Variants in UCK2 observed in about 807,000 individuals in gnomAD.
UCK2 encodes cytidine monophosphokinase 2.
In UCK2, 6 loss-of-function variants were observed where a neutral mutation model predicts 30.8. The observed-to-expected ratio is 0.19, with a 90% CI of 0.11 to 0.38. The LOEUF is 0.38. UCK2 is among the 10% of genes least tolerant of loss of function. UCK2 has a pLI of 1.00. For missense variants in UCK2, 210 were observed against 339.8 expected, an observed-to-expected ratio of 0.62 and a Z score of 3.00; for synonymous variants, 125 against 133.6, an observed-to-expected ratio of 0.94 and a Z score of 0.45.
intron 1 of UCK2, among the ~76,000 whole-genome samples, chr1:165,850,816 G>A (rs1164858227): frequency 6.6e-6 from 1 of 151,076 alleles, no homozygotes; most frequent in East Asian, 2.0e-4. Context: ...TAGAGACGGG[G>A]TTTCACCGTG....
chr1:165,911,479 C>T lies in UCK2; in HGVS notation c.*3656C>T, dbSNP rs149556199. On this transcript the variant is annotated 3_prime_UTR_variant, in exon 7 of 7. Coordinates refer to ENST00000367879, the MANE Select transcript of UCK2 (RefSeq NM_012474.5). ...CAGGAGCAGGGTGAGTAGCTAAATA[C>T]AGACTTAGGCTTTTTTTTCCCCCCT... 3.4e-4 allele frequency: 52 copies of T among 152,306 alleles called. No individual in the cohort carries two copies. Among genetic ancestry groups the T allele is most frequent in the African/African-American group, 1.2e-3 (49 of 41,556 alleles). The allele number at this position is 152,306 out of a possible 1,614,324, so 9.4% of individuals were successfully genotyped here.
At chr1:165,857,593 C>T (rs566514402) in intron 1 of UCK2, among the ~76,000 whole-genome samples, 68 of 152,182 alleles carry the variant, frequency 4.5e-4, no homozygotes, top group Non-Finnish European at 8.2e-4. Context: ...GGGGTGCGGG[C>T]ATGTGCTGGG....
intron 6 of UCK2, among the ~76,000 whole-genome samples, chr1:165,907,265 G>T (rs984003208): frequency 6.6e-6 from 1 of 152,184 alleles, no homozygotes; most frequent in Non-Finnish European, 1.5e-5. Context: ...GGGAAAGAGG[G>T]CCTTCCATAG....
intron 4 of UCK2, 164 bp from the exon 5 acceptor site, chr1:165,903,018 C>T (rs573188255): frequency 1.0e-5 from 5 of 497,500 alleles, no homozygotes; most frequent in Admixed American, 3.5e-5. Context: ...TTGTCTTTTC[C>T]GAAGCCGCTG....
At chr1:165,849,839 T>C (rs1654544316) in intron 1 of UCK2, among the ~76,000 whole-genome samples, 1 of 152,222 alleles carries the variant, frequency 6.6e-6, no homozygotes, top group Non-Finnish European at 1.5e-5. Flanking sequence ...TTTTCTTTTC[T>C]GTTCTTGGTG....
At chr1:165,876,812 T>C (rs1655347946) in intron 1 of UCK2, among the ~76,000 whole-genome samples, 1 of 152,190 alleles carries the variant, frequency 6.6e-6, no homozygotes. Flanking sequence ...CTCCGTCCTG[T>C]CTCCCAGCTT....
At chr1:165,835,006 CT>C (rs144156873) in intron 1 of UCK2, among the ~76,000 whole-genome samples, 2,750 of 151,816 alleles carry the variant, frequency 0.018, 81 homozygotes, top group African/African-American at 0.061. Flanking sequence ...ACATTTTTAC[CT>C]TTTTTTTGGC....
At chr1:165,890,124 A>G in intron 1 of UCK2, 80 bp from the exon 2 acceptor site, 1 of 1,518,520 alleles carries the variant, frequency 6.6e-7, no homozygotes, top group South Asian at 1.2e-5. Flanking sequence ...GGTGTGCATC[A>G]GCTTGGTTAC....
chr1:165,845,734 C>T (rs1041785969), intron 1 of UCK2, among the ~76,000 whole-genome samples: 1 of 152,182 alleles, frequency 6.6e-6, no homozygotes, highest in African/African-American at 2.4e-5. Context: ...GTGGCATGAT[C>T]ACTGCTCACT....
intron 1 of UCK2, among the ~76,000 whole-genome samples, chr1:165,854,431 T>G (rs947837189): frequency 1.4e-4 from 22 of 152,078 alleles, no homozygotes; most frequent in African/African-American, 2.4e-5. Context: ...ATTTCCCTGG[T>G]TTTGCTGTAG....
chr1:165,857,839 CT>C (rs1026231671), intron 1 of UCK2, among the ~76,000 whole-genome samples: 1 of 152,184 alleles, frequency 6.6e-6, no homozygotes, highest in African/African-American at 2.4e-5. Context: ...CCTTTTACCC[CT>C]CTCAACGTTT....
chr1:165,847,855 G>A (rs920064643), intron 1 of UCK2, among the ~76,000 whole-genome samples: 1 of 152,022 alleles, frequency 6.6e-6, no homozygotes, highest in Non-Finnish European at 1.5e-5. Context: ...GTGCAGTGGC[G>A]TACTCTTGGC....
intron 1 of UCK2, among the ~76,000 whole-genome samples, chr1:165,873,633 T>A (rs1305523965): frequency 6.6e-6 from 1 of 152,178 alleles, no homozygotes; most frequent in African/African-American, 2.4e-5. Context: ...CAGTAAAACC[T>A]CCATATTCTC....
intron 1 of UCK2, 46 bp downstream of exon 1, chr1:165,827,978 T>G (rs1460631564): frequency 1.6e-6 from 2 of 1,247,262 alleles, no homozygotes; most frequent in African/African-American, 3.1e-5. Flanking sequence ...CTTCTGTCCC[T>G]GGGCGGCGCA....
intron 1 of UCK2, among the ~76,000 whole-genome samples, chr1:165,831,974 G>A (rs1421443658): frequency 6.6e-6 from 1 of 152,056 alleles, no homozygotes; most frequent in Non-Finnish European, 1.5e-5. Context: ...TCACCATGTT[G>A]GCCGGGCTGG....
intron 1 of UCK2, among the ~76,000 whole-genome samples, chr1:165,879,636 T>C (rs1655431807): frequency 6.6e-6 from 1 of 151,880 alleles, no homozygotes; most frequent in Non-Finnish European, 1.5e-5. Context: ...TTACTCCTCC[T>C]TATACAGTAA....
chr1:165,848,962 G>C (rs1654524897), intron 1 of UCK2, among the ~76,000 whole-genome samples: 1 of 152,000 alleles, frequency 6.6e-6, no homozygotes, highest in Non-Finnish European at 1.5e-5. Flanking sequence ...ATTATGAAAA[G>C]TAAGAATGAT....
At chr1:165,864,491 A>G (rs1047228637) in intron 1 of UCK2, among the ~76,000 whole-genome samples, 2 of 152,198 alleles carry the variant, frequency 1.3e-5, no homozygotes, top group Non-Finnish European at 2.9e-5. Context: ...TGGGTATACA[A>G]AAAGTAATTA....
At chr1:165,865,821 A>G (rs1655031882) in intron 1 of UCK2, among the ~76,000 whole-genome samples, 1 of 152,222 alleles carries the variant, frequency 6.6e-6, no homozygotes, top group Admixed American at 6.5e-5. Context: ...CAATTACAGA[A>G]GAACACTCGC....
Sources: gnomAD v4.1 joint callset for allele counts (sites outside exome capture counted in the v4.1 genomes callset) on GRCh38, gnomAD v4.1.1 for gene constraint, MANE v1.5 for transcripts, NCBI Gene and HGNC (gene_info 2026-07-23, HGNC 2026-07-21) for gene names.